EEA1: variants seen among roughly 807,000 people sequenced by gnomAD.
EEA1 encodes the protein early endosome antigen 1, 162kD.
Under a neutral mutation model 209.2 loss-of-function variants are expected in EEA1, and 111 were observed. That is an observed-to-expected ratio of 0.53 (90% CI 0.45 to 0.62). The LOEUF is 0.62. Ranked by LOEUF, EEA1 falls within the 20% of genes least tolerant of loss-of-function variation. The probability of loss-of-function intolerance (pLI) is 0.00; values close to 1 mark genes in which losing one functional copy is unlikely to be tolerated. For missense variants in EEA1, 1,343 were observed against 1,530.8 expected (o/e 0.88, Z 2.05); for synonymous variants, 536 against 540.6 (o/e 0.99, Z 0.12).
In EEA1 at chr12:92,771,125, A is replaced by G. The variant is rs931438093; in HGVS notation, c.*4886T>C. On this transcript the variant is annotated 3_prime_UTR_variant, in exon 29 of 29. Transcript: ENST00000322349. The stretch of plus-strand genomic sequence containing the variant: ...AATAATTATTATCATGGCAGGATAT[A>G]TACTATTAACTACATTCAAGGAACT... 1 of 152,090 alleles carries G rather than the reference A, an allele frequency of 6.6e-6. No individual in the cohort carries two copies. Among genetic ancestry groups the G allele is most frequent in the African/African-American group, 2.4e-5 (1 of 41,438 alleles). The allele number at this position is 152,090 out of a possible 1,614,324, so 9.4% of individuals were successfully genotyped here.
intron 1 of EEA1, among the ~76,000 whole-genome samples, chr12:92,898,102 T>C (rs1429920120): frequency 6.6e-6 from 1 of 152,134 alleles, no homozygotes; most frequent in Non-Finnish European, 1.5e-5. Flanking sequence ...ATAATTTTTA[T>C]ATAAATCAGG....
chr12:92,865,033 G>A (rs1410953363), intron 2 of EEA1, 46 bp from the exon 3 acceptor site: 6 of 1,406,782 alleles, frequency 4.3e-6, no homozygotes, highest in Non-Finnish European at 5.8e-6. Context: ...ATTTAATATT[G>A]TGAAATAACA....
At chr12:92,817,334 T>G (rs1055963781) in intron 14 of EEA1, among the ~76,000 whole-genome samples, 1 of 152,184 alleles carries the variant, frequency 6.6e-6, no homozygotes, top group African/African-American at 2.4e-5. Context: ...ATTTTTGTTT[T>G]ATCTCTAAAA....
intron 1 of EEA1, among the ~76,000 whole-genome samples, chr12:92,897,551 C>A (rs1331611643): frequency 6.6e-6 from 1 of 152,246 alleles, no homozygotes; most frequent in Admixed American, 6.5e-5. Flanking sequence ...GGCCCACTCC[C>A]ACACTGTGGA....
At chr12:92,799,680 G>A (rs1328862726) in intron 20 of EEA1, among the ~76,000 whole-genome samples, 3 of 151,962 alleles carry the variant, frequency 2.0e-5, no homozygotes, top group South Asian at 2.1e-4. Flanking sequence ...CCAGCTACTC[G>A]GGAGGTTGAG....
At chr12:92,874,262 G>A (rs1023869797) in intron 2 of EEA1, among the ~76,000 whole-genome samples, 8 of 152,030 alleles carry the variant, frequency 5.3e-5, no homozygotes, top group Admixed American at 6.6e-5. Flanking sequence ...TCCGGGCTGC[G>A]GTAGCCATGT....
In EEA1 at chr12:92,774,086, C is replaced by T. The variant is rs1451687102; in HGVS notation, c.*1925G>A. ...AAAAAAACAGTGGTGCTGTGAATAT[C>T]TGTGTTTTTCCAGCACACTTATTAA... On this transcript the variant is annotated 3_prime_UTR_variant, in exon 29 of 29. Coordinates refer to ENST00000322349, the MANE Select transcript of EEA1 (RefSeq NM_003566.4). 3.5e-5 allele frequency: 5 copies of T among 144,852 alleles called. No homozygotes were observed. 9.0% of individuals were successfully genotyped at this position (144,852 alleles called of 1,614,324 possible).
chr12:92,877,259 G>A (rs549415984), intron 2 of EEA1, among the ~76,000 whole-genome samples: 4 of 150,920 alleles, frequency 2.7e-5, no homozygotes, highest in South Asian at 2.1e-4. Flanking sequence ...TTTCAGGCAT[G>A]AGCCACCATT....
At chr12:92,861,402 C>G (rs1878144244) in intron 3 of EEA1, among the ~76,000 whole-genome samples, 1 of 152,160 alleles carries the variant, frequency 6.6e-6, no homozygotes, top group Non-Finnish European at 1.5e-5. Context: ...TTGCGGTGAG[C>G]CGAGATTGTG....
At chr12:92,877,687 C>T (rs997659093) in intron 2 of EEA1, among the ~76,000 whole-genome samples, 1 of 151,904 alleles carries the variant, frequency 6.6e-6, no homozygotes, top group African/African-American at 2.4e-5. Flanking sequence ...TGCCACCACA[C>T]CCTTTAGTAG....
intron 3 of EEA1, among the ~76,000 whole-genome samples, chr12:92,859,930 C>G (rs1351958033): frequency 6.6e-6 from 1 of 152,128 alleles, no homozygotes; most frequent in Non-Finnish European, 1.5e-5. Flanking sequence ...TCTGATCAGT[C>G]TTGTATGTAA....
intron 9 of EEA1, among the ~76,000 whole-genome samples, chr12:92,843,287 T>G (rs1877251310): frequency 6.6e-6 from 1 of 152,126 alleles, no homozygotes; most frequent in South Asian, 2.1e-4. Context: ...GCCTCTCAAG[T>G]AGCTAGGGCT....
chr12:92,845,195 T>G (rs894742769), intron 9 of EEA1, among the ~76,000 whole-genome samples: 2 of 152,190 alleles, frequency 1.3e-5, no homozygotes, highest in Admixed American at 1.3e-4. Flanking sequence ...CTTGAAACTT[T>G]AAAATTTACT....
At chr12:92,858,671 T>C (rs1326128055) in intron 3 of EEA1, 1 of 737,280 alleles carries the variant, frequency 1.4e-6, no homozygotes, top group East Asian at 2.7e-5. Context: ...GGTGCTATGC[T>C]TCCCATCAGA....
intron 21 of EEA1, among the ~76,000 whole-genome samples, chr12:92,788,289 G>A: frequency 6.7e-6 from 1 of 148,560 alleles, no homozygotes. Context: ...TTTTTAAAAA[G>A]GCATTTCACT....
intron 20 of EEA1, among the ~76,000 whole-genome samples, chr12:92,800,383 A>G (rs1321571090): frequency 6.6e-6 from 1 of 152,120 alleles, no homozygotes; most frequent in Non-Finnish European, 1.5e-5. Context: ...AAGGTAAACC[A>G]CTATTATCTC....
At chr12:92,921,628 T>C (rs1182473438) in intron 1 of EEA1, among the ~76,000 whole-genome samples, 3 of 129,316 alleles carry the variant, frequency 2.3e-5, no homozygotes, top group African/African-American at 6.0e-5. Flanking sequence ...AGGGATAGCA[T>C]TGGGAGATAT....
At chr12:92,853,074 C>A in intron 6 of EEA1, 49 bp from the exon 7 acceptor site, 2 of 1,181,308 alleles carry the variant, frequency 1.7e-6, no homozygotes. Context: ...ATTACATATG[C>A]TAAATTGTTA....
intron 18 of EEA1, among the ~76,000 whole-genome samples, chr12:92,807,471 A>T (rs1875270713): frequency 6.6e-6 from 1 of 152,188 alleles, no homozygotes; most frequent in South Asian, 2.1e-4. Context: ...AAAGGCCTAT[A>T]GGTTGGAAAG....
Sources: gnomAD v4.1 joint callset for allele counts (sites outside exome capture counted in the v4.1 genomes callset) on GRCh38, gnomAD v4.1.1 for gene constraint, MANE v1.5 for transcripts, NCBI Gene and HGNC (gene_info 2026-07-23, HGNC 2026-07-21) for gene names.